Variants in SPTLC2 observed in about 807,000 individuals in gnomAD.
SPTLC2 encodes the protein serine palmitoyltransferase long chain base subunit 2, also known as serine palmitoyltransferase 2.
A neutral mutation model predicts 62.0 loss-of-function variants in SPTLC2; 21 were observed. The observed-to-expected ratio is 0.34, with a 90% CI of 0.24 to 0.49. The LOEUF (loss-of-function observed/expected upper bound fraction) is 0.49, where lower values mean the gene tolerates loss of function less well. Ranked by LOEUF, SPTLC2 falls within the 20% of genes least tolerant of loss-of-function variation. The pLI, the probability that SPTLC2 is intolerant of heterozygous loss-of-function variation, is 0.99. For synonymous variants in SPTLC2, 261 were observed against 261.8 expected (o/e 1.00, Z 0.03); for missense variants, 511 against 713.0 (o/e 0.72, Z 3.23).
intron 2 of SPTLC2, among the ~76,000 whole-genome samples, chr14:77,589,382 G>A (rs1015535410): frequency 1.3e-5 from 2 of 152,012 alleles, no homozygotes; most frequent in Non-Finnish European, 2.9e-5. Flanking sequence ...ATGTTTGTGT[G>A]TGCATGTGTG....
At chr14:77,579,644 G>C (rs981387564) in intron 2 of SPTLC2, among the ~76,000 whole-genome samples, 16 of 152,124 alleles carry the variant, frequency 1.1e-4, no homozygotes, top group African/African-American at 3.6e-4. Flanking sequence ...TACTCGGGAG[G>C]CTGAGGCAGG....
chr14:77,566,728 G>A (rs967581992), intron 5 of SPTLC2, among the ~76,000 whole-genome samples: 1 of 152,048 alleles, frequency 6.6e-6, no homozygotes, highest in Non-Finnish European at 1.5e-5. Flanking sequence ...CCAAAGTCCT[G>A]GGATTACAGG....
At chr14:77,610,916 T>C (rs1663389773) in intron 1 of SPTLC2, among the ~76,000 whole-genome samples, 1 of 98,166 alleles carries the variant, frequency 1.0e-5, no homozygotes, top group Non-Finnish European at 2.3e-5. Flanking sequence ...TATATATATA[T>C]ATTTTTATTT....
At position 77,518,139 on chromosome 14, in the gene SPTLC2, T is replaced by G; in HGVS notation, c.1468A>C (p.Asn490His). 6.2e-7 allele frequency: 1 copy of G among 1,614,128 alleles called. No individual in the cohort carries two copies. The highest frequency in any genetic ancestry group is 1.6e-4 in the Middle Eastern group (1 of 6,062). Residue 490 changes from asparagine (N) to histidine (H), a missense_variant, in exon 11 of 12, where the codon AAC (asparagine) becomes CAC (histidine). Physicochemically the swap from Asn to His is moderately conservative, Grantham distance 68. Coordinates refer to ENST00000216484, the MANE Select transcript of SPTLC2 (RefSeq NM_004863.4). The part of the protein sequence containing the change: ...GAFGREMLKR[N>H]IGVVVVGFPA... ...AATCCAACCACAACGACACCGATGT[T>G]CCGCTTCAGCATCTCCCGTCCAAAG... is the stretch of plus-strand genomic sequence containing the variant.
chr14:77,584,396 G>A (rs2079769773), intron 2 of SPTLC2, among the ~76,000 whole-genome samples: 1 of 152,152 alleles, frequency 6.6e-6, no homozygotes, highest in African/African-American at 2.4e-5. Context: ...CAGCAAGAGT[G>A]CCCATCTACT....
At chr14:77,610,304 G>A (rs764128585) in intron 1 of SPTLC2, among the ~76,000 whole-genome samples, 1 of 152,040 alleles carries the variant, frequency 6.6e-6, no homozygotes, top group African/African-American at 2.4e-5. Flanking sequence ...ACCACACCCG[G>A]CTAATTTTTA....
intron 9 of SPTLC2, among the ~76,000 whole-genome samples, chr14:77,531,868 T>C (rs137952797): frequency 6.6e-6 from 1 of 152,110 alleles, no homozygotes; most frequent in South Asian, 2.1e-4. Context: ...TTATGAAAAC[T>C]GTATGTCTAA....
chr14:77,564,225 C>A (rs2079630056), intron 5 of SPTLC2, among the ~76,000 whole-genome samples: 1 of 99,136 alleles, frequency 1.0e-5, no homozygotes, highest in African/African-American at 3.9e-5. Context: ...GAGGGAGACT[C>A]TGTCTGGGGG....
chr14:77,605,918 G>A (rs1396076215), intron 1 of SPTLC2, among the ~76,000 whole-genome samples: 1 of 152,224 alleles, frequency 6.6e-6, no homozygotes, highest in Non-Finnish European at 1.5e-5. Flanking sequence ...CTTCAGCCCA[G>A]TCCAACTCAG....
At chr14:77,568,172 C>A (rs2079656851) in intron 5 of SPTLC2, among the ~76,000 whole-genome samples, 1 of 152,140 alleles carries the variant, frequency 6.6e-6, no homozygotes, top group South Asian at 2.1e-4. Flanking sequence ...CCATTTAGTT[C>A]AAAATATGTT....
intron 2 of SPTLC2, among the ~76,000 whole-genome samples, chr14:77,581,322 C>G (rs1435405066): frequency 6.6e-6 from 1 of 152,114 alleles, no homozygotes; most frequent in Middle Eastern, 3.4e-3. Context: ...ATTGAATGAG[C>G]CTCCCAGTAG....
At chr14:77,573,018 C>T (rs1404527485) in intron 4 of SPTLC2, among the ~76,000 whole-genome samples, 2 of 152,202 alleles carry the variant, frequency 1.3e-5, no homozygotes, top group African/African-American at 4.8e-5. Flanking sequence ...TGGAGTAGCA[C>T]TTTTAATTTT....
intron 2 of SPTLC2, among the ~76,000 whole-genome samples, chr14:77,591,610 G>A (rs1383455267): frequency 3.3e-5 from 5 of 152,070 alleles, no homozygotes; most frequent in Non-Finnish European, 4.4e-5. Context: ...GTCCAGGGTG[G>A]AGTGCAGTGG....
chr14:77,591,639 C>A (rs926243120), intron 2 of SPTLC2, among the ~76,000 whole-genome samples: 1 of 152,112 alleles, frequency 6.6e-6, no homozygotes, highest in Non-Finnish European at 1.5e-5. Flanking sequence ...TAGCTCACTG[C>A]AACTTCCACC....
rs146483729 is a variant in SPTLC2, at chr14:77,524,249, G to A, written c.1304-2668C>T. 2.5e-4 allele frequency among the ~76,000 whole-genome samples: 38 copies of A among 152,268 alleles called. No homozygotes were observed. In the East Asian group the frequency reaches 6.0e-3, roughly 24 times the overall value. ...AATGACAGAAAACAGATTCATGGTT[G>A]CCAGAAAGTATGGGAAGGCGGCTGA... On this transcript the variant is annotated intron_variant, in intron 9 of 11. Transcript: ENST00000216484.
At chr14:77,536,043 G>A (rs112611170) in intron 9 of SPTLC2, 5,273 of 431,292 alleles carry the variant, frequency 0.012, 257 homozygotes, top group African/African-American at 0.099. Flanking sequence ...TTGGTTTGAG[G>A]GGAAACCAGC....
intron 2 of SPTLC2, among the ~76,000 whole-genome samples, chr14:77,584,225 C>A (rs2079768980): frequency 6.6e-6 from 1 of 152,176 alleles, no homozygotes; most frequent in African/African-American, 2.4e-5. Flanking sequence ...TATTGTAGCA[C>A]CTATACAGGC....
At chr14:77,597,475 T>C (rs1428706928) in intron 1 of SPTLC2, 95 bp from the exon 2 acceptor site, 5 of 1,237,302 alleles carry the variant, frequency 4.0e-6, no homozygotes, top group Non-Finnish European at 4.6e-6. Flanking sequence ...AATTATACCT[T>C]AAGAATTTTC....
intron 4 of SPTLC2, 149 bp downstream of exon 4, chr14:77,576,618 A>G (rs763122317): frequency 2.8e-6 from 3 of 1,089,288 alleles, no homozygotes; most frequent in African/African-American, 1.6e-5. Flanking sequence ...ATCATCCATC[A>G]CACTTCAGAA....
Sources: gnomAD v4.1 joint callset for allele counts (sites outside exome capture counted in the v4.1 genomes callset) on GRCh38, gnomAD v4.1.1 for gene constraint, MANE v1.5 for transcripts, NCBI Gene and HGNC (gene_info 2026-07-23, HGNC 2026-07-21) for gene names.